Variants in SGCD observed in about 807,000 individuals in gnomAD.
SGCD encodes the protein sarcoglycan delta.
In SGCD, 18 loss-of-function variants were observed where a neutral mutation model predicts 36.6. That is an observed-to-expected ratio of 0.49 (90% CI 0.34 to 0.73). SGCD has a LOEUF of 0.73. Among genes scored for constraint, SGCD ranks in the 30% least tolerant of loss-of-function variants. The probability of loss-of-function intolerance (pLI) is 0.01; values close to 1 mark genes in which losing one functional copy is unlikely to be tolerated. For synonymous variants in SGCD, 133 were observed against 130.6 expected, an observed-to-expected ratio of 1.02 and a Z score of -0.12; for missense variants, 387 against 346.7, an observed-to-expected ratio of 1.12 and a Z score of -0.92.
chr5:155,858,164 G>T, the SGCD span, among the ~76,000 whole-genome samples: 1 of 152,086 alleles, frequency 6.6e-6, no homozygotes, highest in East Asian at 1.9e-4. Flanking sequence ...GTTTCATTTT[G>T]AATAGTTTGT....
At chr5:155,937,266 T>A (rs999516046) in intron 1 of SGCD, among the ~76,000 whole-genome samples, 3 of 152,016 alleles carry the variant, frequency 2.0e-5, no homozygotes, top group African/African-American at 7.2e-5. Context: ...AAGCCATGCC[T>A]CCCCCACTGC....
At chr5:156,011,017 A>T (rs758245556) in intron 1 of SGCD, among the ~76,000 whole-genome samples, 6 of 152,196 alleles carry the variant, frequency 3.9e-5, no homozygotes, top group Admixed American at 6.5e-5. Flanking sequence ...AGTGAAAGAC[A>T]TTAAAAGTTT....
intron 1 of SGCD, among the ~76,000 whole-genome samples, chr5:155,959,669 G>C (rs1757750914): frequency 1.3e-5 from 2 of 152,016 alleles, no homozygotes; most frequent in African/African-American, 4.8e-5. Context: ...CAATATTTTA[G>C]AAGTTTTTAA....
chr5:156,217,019 A>G (rs1764593272), intron 3 of SGCD, among the ~76,000 whole-genome samples: 1 of 152,226 alleles, frequency 6.6e-6, no homozygotes, highest in African/African-American at 2.4e-5. Context: ...CGGAGGTTGC[A>G]GTGAGCCCAG....
the SGCD span, among the ~76,000 whole-genome samples, chr5:155,769,326 C>T: frequency 6.0e-5 from 9 of 150,166 alleles, no homozygotes; most frequent in Admixed American, 5.3e-4. Flanking sequence ...CTTATTTAAG[C>T]GTACACCTGT....
intron 2 of SGCD, among the ~76,000 whole-genome samples, chr5:156,339,898 G>A (rs976623611): frequency 3.9e-5 from 6 of 152,096 alleles, no homozygotes; most frequent in African/African-American, 9.7e-5. Context: ...TACATTTTCT[G>A]TACTTTCTGG....
intron 7 of SGCD, among the ~76,000 whole-genome samples, chr5:156,689,173 A>C (rs1026165924): frequency 2.6e-5 from 4 of 152,188 alleles, no homozygotes; most frequent in African/African-American, 9.7e-5. Context: ...TGGTTATATA[A>C]GATGGTGATA....
chr5:156,254,789 G>A (rs1034939639), intron 3 of SGCD, among the ~76,000 whole-genome samples: 7 of 152,190 alleles, frequency 4.6e-5, no homozygotes, highest in African/African-American at 1.2e-4. Flanking sequence ...TGAGGTTGTG[G>A]TGAGCTATGA....
intron 1 of SGCD, among the ~76,000 whole-genome samples, chr5:155,874,165 A>G (rs754610899): frequency 6.6e-6 from 1 of 152,142 alleles, no homozygotes; most frequent in Admixed American, 6.6e-5. Context: ...TCCTCATCCT[A>G]TTAAAAAAAT....
intron 4 of SGCD, among the ~76,000 whole-genome samples, chr5:156,541,157 GA>G (rs1342749581): frequency 2.6e-5 from 4 of 152,170 alleles, no homozygotes; most frequent in Admixed American, 6.5e-5. Flanking sequence ...CAAAGAGTAG[GA>G]AAAAAAGCTG....
intron 3 of SGCD, among the ~76,000 whole-genome samples, chr5:156,188,671 C>T (rs374622385): frequency 7.5e-6 from 1 of 133,984 alleles, no homozygotes; most frequent in Non-Finnish European, 1.6e-5. Context: ...CCCAACCGCC[C>T]CCCCCGACAC....
chr5:155,759,617 T>A, the SGCD span, among the ~76,000 whole-genome samples: 1 of 152,204 alleles, frequency 6.6e-6, no homozygotes, highest in Admixed American at 6.5e-5. Flanking sequence ...ACCAACTTCT[T>A]TGAATCCATA....
At chr5:156,396,994 C>T (rs1342422351) in intron 3 of SGCD, among the ~76,000 whole-genome samples, 1 of 152,152 alleles carries the variant, frequency 6.6e-6, no homozygotes, top group African/African-American at 2.4e-5. Flanking sequence ...ATAAAAAGGG[C>T]TTTACAGATA....
chr5:155,869,063 C>G (rs1001793745), upstream of SGCD, among the ~76,000 whole-genome samples: 6 of 152,314 alleles, frequency 3.9e-5, no homozygotes, highest in Admixed American at 1.3e-4. Context: ...TTGAAAATCT[C>G]AGGGTTGGAG....
chr5:156,078,601 AT>A (rs1159555167), intron 1 of SGCD, among the ~76,000 whole-genome samples: 1 of 145,662 alleles, frequency 6.9e-6, no homozygotes, highest in Non-Finnish European at 1.5e-5. Flanking sequence ...ATATTTATAT[AT>A]TTTTATATAT....
intron 3 of SGCD, among the ~76,000 whole-genome samples, chr5:156,356,427 T>C (rs1769494273): frequency 6.6e-6 from 1 of 152,222 alleles, no homozygotes; most frequent in Non-Finnish European, 1.5e-5. Flanking sequence ...AACTTGGGCT[T>C]GCCCTTAACG....
intron 2 of SGCD, among the ~76,000 whole-genome samples, chr5:156,334,366 C>A (rs775256861): frequency 7.2e-5 from 11 of 152,158 alleles, no homozygotes; most frequent in Non-Finnish European, 1.6e-4. Flanking sequence ...ATTAAATCTG[C>A]GATCAGATGT....
At chr5:155,957,633 C>T (rs1181518697) in intron 1 of SGCD, among the ~76,000 whole-genome samples, 1 of 152,048 alleles carries the variant, frequency 6.6e-6, no homozygotes, top group Non-Finnish European at 1.5e-5. Flanking sequence ...TGGGCCAAGT[C>T]CTCTTCAGAT....
At chr5:156,741,541 A>G (rs1220269631) in intron 7 of SGCD, among the ~76,000 whole-genome samples, 1 of 149,662 alleles carries the variant, frequency 6.7e-6, no homozygotes, top group Admixed American at 6.6e-5. Flanking sequence ...TGATAGAGAA[A>G]AATCTCAGAG....
Sources: gnomAD v4.1 joint callset for allele counts (sites outside exome capture counted in the v4.1 genomes callset) on GRCh38, gnomAD v4.1.1 for gene constraint, MANE v1.5 for transcripts, NCBI Gene and HGNC (gene_info 2026-07-23, HGNC 2026-07-21) for gene names.